Variants in MEGF11 observed in about 807,000 individuals in gnomAD.
The protein encoded by MEGF11 is multiple EGF like domains 11.
A neutral mutation model predicts 146.6 loss-of-function variants in MEGF11; 126 were observed. The observed-to-expected ratio is 0.86, with a 90% confidence interval of 0.74 to 1.00. The LOEUF is 1.00. MEGF11 is among the 50% of genes least tolerant of loss of function. The pLI is 0.00. For missense variants in MEGF11, 1,509 were observed against 1,521.2 expected (o/e 0.99, Z 0.13); for synonymous variants, 532 against 583.4 (o/e 0.91, Z 1.27).
chr15:66,114,499 A>T (rs188057125), intron 4 of MEGF11, among the ~76,000 whole-genome samples: 80 of 152,362 alleles, frequency 5.3e-4, no homozygotes, highest in African/African-American at 1.9e-3. Context: ...GTTTGATACA[A>T]GACTAATATT....
chr15:66,065,305 A>G (rs1301456059), intron 5 of MEGF11, among the ~76,000 whole-genome samples: 2 of 152,082 alleles, frequency 1.3e-5, no homozygotes, highest in African/African-American at 4.8e-5. Context: ...GATGGTGAAA[A>G]AAAAAAAAAA....
intron 9 of MEGF11, among the ~76,000 whole-genome samples, chr15:65,959,774 G>A (rs189474205): frequency 1.6e-3 from 241 of 152,202 alleles, no homozygotes; most frequent in African/African-American, 5.6e-3. Context: ...ATTTCTAATC[G>A]TCAAATAAGC....
chr15:66,064,716 A>G lies in MEGF11; in HGVS notation c.394+29686T>C, dbSNP rs2085046337. Among the ~76,000 whole-genome samples, 5 of 149,898 alleles carry G rather than the reference A, an allele frequency of 3.3e-5. No individual in the cohort carries two copies. In the South Asian group the frequency reaches 1.1e-3, roughly 32 times the overall value. ...TTTTTTTTCTTTTTTTTTAGTAGAGACTGGGTTTCTCCATGTTGGTCAGGC... is the reference window on the plus strand; with the variant it reads ...TTTTTTTTCTTTTTTTTTAGTAGAGGCTGGGTTTCTCCATGTTGGTCAGGC... On this transcript the variant is annotated intron_variant, in intron 5 of 25. Coordinates refer to ENST00000395614, the MANE Select transcript of MEGF11 (RefSeq NM_001385028.1).
chr15:66,037,028 C>A (rs1023419245), intron 5 of MEGF11, among the ~76,000 whole-genome samples: 1 of 152,244 alleles, frequency 6.6e-6, no homozygotes, highest in African/African-American at 2.4e-5. Context: ...CAGCAATAAC[C>A]TACGCTGTCT....
chr15:65,903,766 G>T (rs896461601), intron 24 of MEGF11, among the ~76,000 whole-genome samples: 2 of 152,098 alleles, frequency 1.3e-5, no homozygotes, highest in Non-Finnish European at 1.5e-5. Flanking sequence ...TGTTTATTTC[G>T]GGGGGCGTTA....
intron 5 of MEGF11, among the ~76,000 whole-genome samples, chr15:66,078,972 C>T (rs565636857): frequency 3.5e-4 from 53 of 152,338 alleles, no homozygotes; most frequent in African/African-American, 1.1e-3. Context: ...CAGGCTATCC[C>T]GTTTCTGGCT....
chr15:65,961,602 TGATAAA>T (rs1372014652), intron 9 of MEGF11, among the ~76,000 whole-genome samples: 1 of 152,144 alleles, frequency 6.6e-6, no homozygotes, highest in Non-Finnish European at 1.5e-5. Context: ...TGCAAATAAT[TGATAAA>T]GGGAATGAAG....
intron 1 of MEGF11, among the ~76,000 whole-genome samples, chr15:66,203,898 T>C (rs1387243543): frequency 6.6e-6 from 1 of 152,176 alleles, no homozygotes; most frequent in Non-Finnish European, 1.5e-5. Flanking sequence ...TGGGGATTTT[T>C]GGAGATGTAT....
chr15:66,101,249 C>T (rs1376606591), intron 4 of MEGF11, among the ~76,000 whole-genome samples: 1 of 152,010 alleles, frequency 6.6e-6, no homozygotes, highest in Non-Finnish European at 1.5e-5. Flanking sequence ...TTCATCAGGC[C>T]CTCACTTCTC....
intron 9 of MEGF11, among the ~76,000 whole-genome samples, chr15:65,958,044 A>C (rs1326000609): frequency 6.6e-6 from 1 of 152,196 alleles, no homozygotes; most frequent in Admixed American, 6.5e-5. Flanking sequence ...ACCAAAATGG[A>C]GAGTGGCCTT....
intron 1 of MEGF11, among the ~76,000 whole-genome samples, chr15:66,237,037 C>CG (rs1022844663): frequency 5.3e-4 from 80 of 152,302 alleles, no homozygotes; most frequent in African/African-American, 1.8e-3. Flanking sequence ...CCAGGCACCC[C>CG]GGGCTGTTGG....
chr15:66,201,690 C>T (rs2091161001), intron 1 of MEGF11, among the ~76,000 whole-genome samples: 1 of 150,060 alleles, frequency 6.7e-6, no homozygotes, highest in African/African-American at 2.5e-5. Context: ...AATACCAGCA[C>T]TTTGGGAGGC....
chr15:65,923,950 C>T (rs996416601), intron 13 of MEGF11, among the ~76,000 whole-genome samples: 1 of 152,126 alleles, frequency 6.6e-6, no homozygotes, highest in African/African-American at 2.4e-5. Flanking sequence ...CATGTGAGCC[C>T]AGGAGATTGG....
intron 5 of MEGF11, among the ~76,000 whole-genome samples, chr15:65,989,336 CAGCT>C (rs928680123): frequency 3.3e-5 from 5 of 152,186 alleles, no homozygotes; most frequent in African/African-American, 1.2e-4. Context: ...TGAGCTACCC[CAGCT>C]TGTACTAAGG....
intron 5 of MEGF11, among the ~76,000 whole-genome samples, chr15:65,996,056 A>G (rs1210587316): frequency 6.6e-6 from 1 of 152,140 alleles, no homozygotes; most frequent in Non-Finnish European, 1.5e-5. Context: ...CTCTCACCCC[A>G]TCTGGGAGCT....
chr15:65,976,877 G>A (rs1596941934), intron 7 of MEGF11, among the ~76,000 whole-genome samples: 1 of 152,284 alleles, frequency 6.6e-6, no homozygotes, highest in African/African-American at 2.4e-5. Flanking sequence ...TTGGCGGCCA[G>A]GTCCAGTCGC....
At chr15:65,983,534 G>A (rs1327487836) in intron 5 of MEGF11, among the ~76,000 whole-genome samples, 1 of 152,184 alleles carries the variant, frequency 6.6e-6, no homozygotes, top group Non-Finnish European at 1.5e-5. Flanking sequence ...GAAGTTGGAT[G>A]GAAAGAATGA....
chr15:66,239,776 C>T (rs1170630885), intron 1 of MEGF11, among the ~76,000 whole-genome samples: 2 of 152,238 alleles, frequency 1.3e-5, no homozygotes, highest in Non-Finnish European at 2.9e-5. Flanking sequence ...AGGCACCATG[C>T]CACAGGGCAT....
chr15:65,985,975 G>C (rs1371052072), intron 5 of MEGF11, among the ~76,000 whole-genome samples: 1 of 146,370 alleles, frequency 6.8e-6, no homozygotes, highest in East Asian at 2.0e-4. Flanking sequence ...TTTTGAGACA[G>C]AGTTTTGTTC....
Sources: gnomAD v4.1 joint callset for allele counts (sites outside exome capture counted in the v4.1 genomes callset) on GRCh38, gnomAD v4.1.1 for gene constraint, MANE v1.5 for transcripts, NCBI Gene and HGNC (gene_info 2026-07-23, HGNC 2026-07-21) for gene names.